Variants in GPC5 observed in about 807,000 individuals in gnomAD.
The protein encoded by GPC5 is glypican 5.
In GPC5, 47 loss-of-function variants were observed where a neutral mutation model predicts 53.9. That is an observed-to-expected ratio of 0.87 (90% CI 0.69 to 1.11). GPC5 has a LOEUF of 1.11. Ranked by LOEUF, GPC5 falls within the 50% of genes most tolerant of loss-of-function variation. The pLI is 0.00. For synonymous variants in GPC5, 286 were observed against 263.3 expected (o/e 1.09, Z -0.84); for missense variants, 748 against 713.1 (o/e 1.05, Z -0.56).
In GPC5 at chr13:92,169,710, A is replaced by G. The variant is rs114036926; in HGVS notation, c.1561+24721A>G. Among the ~76,000 whole-genome samples the G allele has an allele frequency of 7.0e-3, 1,063 of 152,284 alleles. 10 individuals carry two copies. The highest frequency in any genetic ancestry group is 0.024 in the African/African-American group (1,015 of 41,570). ...GGTATTTTTTCCAGAAGGTAGTTAT[A>G]AAAAAGACAGAGAAGAGTCATCTAG... On this transcript the variant is annotated intron_variant, in intron 7 of 7. Transcript: ENST00000377067.
intron 7 of GPC5, among the ~76,000 whole-genome samples, chr13:92,368,995 G>A (rs79155029): frequency 0.023 from 3,517 of 152,242 alleles, 46 homozygotes; most frequent in Non-Finnish European, 0.038. Context: ...GCTGTATACT[G>A]TCTTACTGGT....
At chr13:92,381,264 C>G (rs1056437871) in intron 7 of GPC5, among the ~76,000 whole-genome samples, 4 of 152,120 alleles carry the variant, frequency 2.6e-5, no homozygotes, top group African/African-American at 7.2e-5. Flanking sequence ...TACTAACTGC[C>G]TCTAGTTTTG....
chr13:92,567,417 A>G (rs987166723), intron 7 of GPC5, among the ~76,000 whole-genome samples: 4 of 152,086 alleles, frequency 2.6e-5, no homozygotes, highest in African/African-American at 9.7e-5. Flanking sequence ...CTCCTCCCCA[A>G]AGATGTCCAT....
At chr13:91,432,418 A>G (rs1879563476) in intron 1 of GPC5, among the ~76,000 whole-genome samples, 1 of 152,208 alleles carries the variant, frequency 6.6e-6, no homozygotes, top group Non-Finnish European at 1.5e-5. Flanking sequence ...GTGATTGGTT[A>G]TAAAAGTTAA....
At chr13:91,781,140 C>T (rs2037792553) in intron 5 of GPC5, among the ~76,000 whole-genome samples, 2 of 152,180 alleles carry the variant, frequency 1.3e-5, no homozygotes, top group African/African-American at 2.4e-5. Context: ...TTAATAAAGG[C>T]AGAGTGAAGG....
At chr13:92,659,901 G>A (rs1223995333) in intron 7 of GPC5, among the ~76,000 whole-genome samples, 1 of 152,116 alleles carries the variant, frequency 6.6e-6, no homozygotes, top group Non-Finnish European at 1.5e-5. Context: ...CTGTGGCAAG[G>A]CAGAGTGGGA....
chr13:92,700,734 T>G (rs549791349), intron 7 of GPC5, among the ~76,000 whole-genome samples: 141 of 152,192 alleles, frequency 9.3e-4, no homozygotes, highest in Middle Eastern at 3.4e-3. Flanking sequence ...TGTCTCCAGC[T>G]TTTCTCTGAG....
chr13:92,556,363 C>G (rs1257884928), intron 7 of GPC5, among the ~76,000 whole-genome samples: 1 of 151,742 alleles, frequency 6.6e-6, no homozygotes, highest in Non-Finnish European at 1.5e-5. Context: ...ATAGTCTGGA[C>G]TTTCAAAAAC....
At chr13:91,791,376 G>T (rs927398220) in intron 5 of GPC5, among the ~76,000 whole-genome samples, 2 of 152,122 alleles carry the variant, frequency 1.3e-5, no homozygotes, top group African/African-American at 4.8e-5. Flanking sequence ...GAGAAAAATA[G>T]AACTATCCTG....
At chr13:92,430,370 G>A (rs1021942430) in intron 7 of GPC5, among the ~76,000 whole-genome samples, 2 of 152,088 alleles carry the variant, frequency 1.3e-5, no homozygotes, top group Non-Finnish European at 2.9e-5. Flanking sequence ...ACAAAATAAT[G>A]TATTCCTTGC....
At chr13:91,478,133 A>G (rs945897768) in intron 2 of GPC5, among the ~76,000 whole-genome samples, 5 of 151,804 alleles carry the variant, frequency 3.3e-5, no homozygotes, top group Non-Finnish European at 7.4e-5. Context: ...CTTCACTGTT[A>G]AATTTATATG....
intron 7 of GPC5, among the ~76,000 whole-genome samples, chr13:92,176,945 C>A (rs148320966): frequency 6.6e-6 from 1 of 152,338 alleles, no homozygotes; most frequent in African/African-American, 2.4e-5. Flanking sequence ...CTTCACCCTG[C>A]CACTATGCTA....
intron 2 of GPC5, among the ~76,000 whole-genome samples, chr13:91,587,333 G>A (rs1439610756): frequency 6.6e-6 from 1 of 152,090 alleles, no homozygotes; most frequent in African/African-American, 2.4e-5. Context: ...TTTGCAAACA[G>A]TAGTTTCCTA....
At chr13:92,389,354 C>G (rs1460489803) in intron 7 of GPC5, among the ~76,000 whole-genome samples, 1 of 152,118 alleles carries the variant, frequency 6.6e-6, no homozygotes, top group African/African-American at 2.4e-5. Context: ...CCTGTTTCTA[C>G]TAGGACATAC....
intron 7 of GPC5, among the ~76,000 whole-genome samples, chr13:92,157,579 G>C (rs947051013): frequency 3.9e-5 from 6 of 152,192 alleles, no homozygotes; most frequent in Admixed American, 3.9e-4. Context: ...GGAAGAGAAA[G>C]AATTTACAAT....
At chr13:91,871,480 C>T (rs889470758) in intron 5 of GPC5, among the ~76,000 whole-genome samples, 5 of 151,820 alleles carry the variant, frequency 3.3e-5, no homozygotes, top group Non-Finnish European at 5.9e-5. Context: ...AACAACCCTT[C>T]ACATGTACCC....
chr13:91,636,028 G>C (rs2034276350), intron 2 of GPC5, among the ~76,000 whole-genome samples: 1 of 151,804 alleles, frequency 6.6e-6, no homozygotes, highest in Non-Finnish European at 1.5e-5. Flanking sequence ...TGTTGCCGTT[G>C]GATCTATACA....
At chr13:92,365,470 C>G (rs1329525765) in intron 7 of GPC5, among the ~76,000 whole-genome samples, 1 of 151,514 alleles carries the variant, frequency 6.6e-6, no homozygotes, top group Non-Finnish European at 1.5e-5. Flanking sequence ...AAATATCTTT[C>G]TTTCTTCAAT....
In GPC5 at chr13:92,381,850, CATATATGATTATATATATCAT is replaced by C. The variant is rs1385644442; in HGVS notation, c.1561+236880_1561+236900del. 1.6e-4 allele frequency among the ~76,000 whole-genome samples: 6 copies of C among 36,836 alleles called. 1 individual carries two copies. The highest frequency in any genetic ancestry group is 6.2e-4 in the South Asian group (1 of 1,626). The allele number at this position is 36,836 out of a possible 152,430, so 24.2% of individuals were successfully genotyped here. On this transcript the variant is annotated intron_variant, in intron 7 of 7. Coordinates refer to ENST00000377067, the MANE Select transcript of GPC5 (RefSeq NM_004466.6). ...TCATATATATTATATTGTATATGAT[CATATATGATTATATATATCAT>C]ATATATGATTATATATATTATATAT... is the stretch of plus-strand genomic sequence containing the variant.
Sources: allele counts gnomAD v4.1 joint callset (sites outside exome capture counted in the v4.1 genomes callset), GRCh38; gene constraint gnomAD v4.1.1; transcripts MANE v1.5; gene names NCBI Gene and HGNC (gene_info 2026-07-23, HGNC 2026-07-21).